COL24A1: variants seen among roughly 807,000 people sequenced by gnomAD.
COL24A1 encodes the protein collagen type XXIV alpha 1 chain.
Under a neutral mutation model 253.9 loss-of-function variants are expected in COL24A1, and 224 were observed. The ratio of observed to expected loss-of-function variants is 0.88; its 90% CI spans 0.79 to 0.99. COL24A1 has a LOEUF of 0.99. Among genes scored for constraint, COL24A1 ranks in the 50% least tolerant of loss-of-function variants. The probability of loss-of-function intolerance (pLI) is 0.00; values close to 1 mark genes in which losing one functional copy is unlikely to be tolerated. For missense variants in COL24A1, 2,131 were observed against 2,068.5 expected, an observed-to-expected ratio of 1.03 and a Z score of -0.59; for synonymous variants, 685 against 673.7, an observed-to-expected ratio of 1.02 and a Z score of -0.26.
At chr1:85,862,437 T>C (rs12759687) in intron 37 of COL24A1, among the ~76,000 whole-genome samples, 29,499 of 152,188 alleles carry the variant, frequency 0.19, 3,235 homozygotes, top group Non-Finnish European at 0.24. Flanking sequence ...GTTAAAAATC[T>C]ATGTTAAAAA....
chr1:85,915,880 C>T (rs1401219141), intron 24 of COL24A1, among the ~76,000 whole-genome samples: 2 of 152,086 alleles, frequency 1.3e-5, no homozygotes, highest in Admixed American at 6.5e-5. Context: ...TCTCGAACTC[C>T]AGACTTCAAG....
At position 86,125,436 on chromosome 1, in the gene COL24A1, G is replaced by A. The variant is rs757165897; in HGVS notation, c.900C>T (p.Thr300=). Residue 300 remains threonine, a synonymous_variant, in exon 3 of 60, where the codon ACC becomes ACT. Transcript: ENST00000370571. ...TCTGGTGTTCTTGTCTTTTATACAC[G>A]GTTTCAGAATCATTTTTTATGATAT... ...IPNIIKNDSE[T]VYKRQEHQIS... The A allele has an allele frequency of 5.6e-6, 9 of 1,613,298 alleles. No individual in the cohort carries two copies. The highest frequency in any genetic ancestry group is 1.3e-5 in the African/African-American group (1 of 74,804).
At chr1:86,134,480 G>A (rs974695501) in intron 2 of COL24A1, among the ~76,000 whole-genome samples, 21 of 142,474 alleles carry the variant, frequency 1.5e-4, no homozygotes, top group African/African-American at 5.1e-4. Context: ...TCTCTTGTGG[G>A]CATTTAGTGC....
chr1:85,873,456 A>C (rs1341909807), intron 35 of COL24A1, among the ~76,000 whole-genome samples: 3 of 152,256 alleles, frequency 2.0e-5, no homozygotes, highest in Admixed American at 1.3e-4. Context: ...CATCAATGAT[A>C]GACTGGATTA....
intron 5 of COL24A1, among the ~76,000 whole-genome samples, chr1:86,107,445 GAAAATCGGTTTCAC>G (rs1357966400): frequency 6.6e-6 from 1 of 152,120 alleles, no homozygotes; most frequent in African/African-American, 2.4e-5. Flanking sequence ...AAGTACCTAA[GAAAATCGGTTTCAC>G]AAAATCAAAC....
At chr1:85,889,738 T>G in intron 31 of COL24A1, 125 bp from the exon 32 acceptor site, 1 of 777,006 alleles carries the variant, frequency 1.3e-6, no homozygotes. Context: ...ATTCTTTTTT[T>G]TTTTTTGCTT....
At chr1:86,139,448 G>A (rs964129281) in intron 2 of COL24A1, among the ~76,000 whole-genome samples, 2 of 152,088 alleles carry the variant, frequency 1.3e-5, no homozygotes, top group Admixed American at 6.6e-5. Context: ...AATATTCAGC[G>A]ATAGTCTATC....
At chr1:86,155,044 G>A (rs1163280386) in intron 1 of COL24A1, 1 of 152,454 alleles carries the variant, frequency 6.6e-6, no homozygotes, top group Non-Finnish European at 1.5e-5. Flanking sequence ...GCCGCTCTGA[G>A]AAGGCAACCC....
At position 85,895,030 on chromosome 1, in the gene COL24A1, A is replaced by T. The variant is rs542777732; in HGVS notation, c.2922+828T>A. Among the ~76,000 whole-genome samples, 320 of 152,272 alleles carry T rather than the reference A, an allele frequency of 2.1e-3. 1 individual carries two copies. The highest frequency in any genetic ancestry group is 3.2e-3 in the Non-Finnish European group (215 of 68,000). On this transcript the variant is annotated intron_variant, in intron 31 of 59. Transcript: ENST00000370571. ...TATATTATACATATATGTGTATATA[A>T]CAAATCAAAATGTCATCATTAAAAA...
At chr1:85,866,955 T>G (rs2256515) in intron 37 of COL24A1, among the ~76,000 whole-genome samples, 62,211 of 151,642 alleles carry the variant, frequency 0.41, 13,182 homozygotes, top group South Asian at 0.59. Flanking sequence ...AAAATAATCT[T>G]ATACTTCTGG....
At chr1:85,878,672 T>G (rs2892901) in intron 32 of COL24A1, among the ~76,000 whole-genome samples, 119,528 of 152,108 alleles carry the variant, frequency 0.79, 47,330 homozygotes, top group Non-Finnish European at 0.84. Context: ...GTCTTCCAAA[T>G]TGGCTGTACC....
intron 37 of COL24A1, among the ~76,000 whole-genome samples, chr1:85,855,272 G>A (rs1678292271): frequency 6.6e-6 from 1 of 152,028 alleles, no homozygotes; most frequent in African/African-American, 2.4e-5. Flanking sequence ...ACTATATTAA[G>A]TAGGAGTGGT....
chr1:85,834,129 TA>T (rs897324611), intron 43 of COL24A1, among the ~76,000 whole-genome samples: 2 of 150,180 alleles, frequency 1.3e-5, no homozygotes, highest in African/African-American at 2.4e-5. Flanking sequence ...TAATAAAATT[TA>T]AAAAAAAAGT....
intron 43 of COL24A1, among the ~76,000 whole-genome samples, chr1:85,836,580 T>C (rs1212167630): frequency 6.6e-6 from 1 of 152,198 alleles, no homozygotes; most frequent in Non-Finnish European, 1.5e-5. Context: ...AAACTTGTGC[T>C]AGGAGAAAAC....
chr1:86,136,496 A>G (rs984453796), intron 2 of COL24A1, among the ~76,000 whole-genome samples: 1 of 152,056 alleles, frequency 6.6e-6, no homozygotes, highest in Non-Finnish European at 1.5e-5. Flanking sequence ...ATTGTATGAT[A>G]TCCAAGGCCA....
intron 53 of COL24A1, among the ~76,000 whole-genome samples, chr1:85,767,570 G>A (rs981087460): frequency 2.0e-5 from 3 of 151,804 alleles, no homozygotes; most frequent in Admixed American, 2.0e-4. Flanking sequence ...TGATTAAAAA[G>A]GTATTTAGTA....
chr1:85,820,173 A>G (rs1673479953), intron 45 of COL24A1, among the ~76,000 whole-genome samples: 1 of 152,100 alleles, frequency 6.6e-6, no homozygotes, highest in African/African-American at 2.4e-5. Context: ...CTTAGGGTGG[A>G]TAGAAACACT....
At chr1:86,001,710 G>A (rs946889731) in intron 19 of COL24A1, among the ~76,000 whole-genome samples, 13 of 152,158 alleles carry the variant, frequency 8.5e-5, no homozygotes, top group Middle Eastern at 3.4e-3. Context: ...AGAGCACACC[G>A]ATTGTTTGAG....
intron 37 of COL24A1, among the ~76,000 whole-genome samples, chr1:85,863,868 G>T (rs1309353228): frequency 3.3e-5 from 5 of 152,142 alleles, no homozygotes; most frequent in Non-Finnish European, 7.3e-5. Context: ...ACACCACTTA[G>T]AATGGCAATC....
Sources: gnomAD v4.1 joint callset for allele counts (sites outside exome capture counted in the v4.1 genomes callset) on GRCh38, gnomAD v4.1.1 for gene constraint, MANE v1.5 for transcripts, NCBI Gene and HGNC (gene_info 2026-07-23, HGNC 2026-07-21) for gene names.